The following ATRNL1 variants were observed in gnomAD, a reference collection of about 807,000 sequenced individuals.
ATRNL1 encodes attractin-like protein 1.
In ATRNL1, 95 loss-of-function variants were observed where a neutral mutation model predicts 182.7. The observed-to-expected ratio is 0.52, with a 90% CI of 0.44 to 0.62. ATRNL1 has a LOEUF of 0.62. Among genes scored for constraint, ATRNL1 ranks in the 20% least tolerant of loss-of-function variants. The pLI, the probability that ATRNL1 is intolerant of heterozygous loss-of-function variation, is 0.00. For synonymous variants in ATRNL1, 576 were observed against 568.3 expected (o/e 1.01, Z -0.19); for missense variants, 1,471 against 1,679.5 (o/e 0.88, Z 2.17).
At chr10:115,548,736 C>A (rs1458911465) in intron 25 of ATRNL1, among the ~76,000 whole-genome samples, 1 of 152,130 alleles carries the variant, frequency 6.6e-6, no homozygotes, top group East Asian at 1.9e-4. Context: ...TTGTAACTGA[C>A]TTATTTCTTA....
Position 115,266,836 on chromosome 10 carries a change from T to C in ATRNL1, c.1812T>C (p.Leu604=). Residue 604 remains leucine (L), a synonymous_variant, in exon 12 of 29, where the codon CTT becomes CTC. Coordinates refer to ENST00000355044, the MANE Select transcript of ATRNL1 (RefSeq NM_207303.4). ...TTGGGGGATTTTCTAGTGTACTCCT[T>C]AATGATATCCTTGTATACAAGCCTC... ...YIFGGFSSVL[L]NDILVYKPPN... 1 of 1,611,770 alleles carries C rather than the reference T, an allele frequency of 6.2e-7. No individual in the cohort carries two copies. Among genetic ancestry groups the C allele is most frequent in the Non-Finnish European group, 8.5e-7 (1 of 1,178,382 alleles).
chr10:115,642,103 C>T (rs568178451), intron 26 of ATRNL1, among the ~76,000 whole-genome samples: 10 of 152,076 alleles, frequency 6.6e-5, no homozygotes, highest in South Asian at 4.1e-4. Context: ...TAAATTACAT[C>T]GTACAGCATA....
Position 115,174,335 on chromosome 10 carries a change from T to G in ATRNL1, c.1348+3043T>G, listed in dbSNP as rs376374023. Among the ~76,000 whole-genome samples the G allele has an allele frequency of 7.8e-4, 118 of 151,978 alleles. 2 individuals are homozygous for G. The South Asian group carries it at 0.024, about 31-fold the overall frequency. On this transcript the variant is annotated intron_variant, in intron 8 of 28. Coordinates refer to ENST00000355044, the MANE Select transcript of ATRNL1 (RefSeq NM_207303.4). Reference sequence around the variant, plus strand: ...ATGGGGGAGATTCAGAACTAAACTGTTACCACATTTGTCCTTGAAACACAG... The same window carrying G: ...ATGGGGGAGATTCAGAACTAAACTGGTACCACATTTGTCCTTGAAACACAG...
intron 26 of ATRNL1, among the ~76,000 whole-genome samples, chr10:115,568,517 C>T (rs561325370): frequency 2.6e-5 from 4 of 151,922 alleles, no homozygotes; most frequent in African/African-American, 9.6e-5. Flanking sequence ...TCTACATGAA[C>T]TGGATATTAT....
At chr10:115,677,473 C>G (rs995022496) in intron 26 of ATRNL1, among the ~76,000 whole-genome samples, 15 of 152,030 alleles carry the variant, frequency 9.9e-5, no homozygotes, top group Admixed American at 9.8e-4. Flanking sequence ...TGGGAGGGAC[C>G]CAGGGGGAGG....
chr10:115,617,324 C>A (rs1857487064), intron 26 of ATRNL1, among the ~76,000 whole-genome samples: 1 of 152,002 alleles, frequency 6.6e-6, no homozygotes, highest in Non-Finnish European at 1.5e-5. Flanking sequence ...TGCCTATAAC[C>A]CCTTTGTGTC....
intron 28 of ATRNL1, among the ~76,000 whole-genome samples, chr10:115,854,780 T>A (rs1388075747): frequency 6.6e-6 from 1 of 152,186 alleles, no homozygotes; most frequent in Admixed American, 6.5e-5. Context: ...CCCTTTTACA[T>A]CTCAGTAATC....
chr10:115,927,530 T>C (rs1368731548), intron 28 of ATRNL1, among the ~76,000 whole-genome samples: 2 of 152,112 alleles, frequency 1.3e-5, no homozygotes, highest in African/African-American at 4.8e-5. Flanking sequence ...GGAAGTCCTT[T>C]CCAAACACCA....
intron 19 of ATRNL1, among the ~76,000 whole-genome samples, chr10:115,379,547 A>T (rs615905): frequency 2.6e-5 from 4 of 152,056 alleles, no homozygotes; most frequent in Non-Finnish European, 5.9e-5. Context: ...ATATTAATAT[A>T]CATCGTTTTA....
At chr10:115,779,500 C>T (rs527399921) in intron 27 of ATRNL1, among the ~76,000 whole-genome samples, 114 of 152,294 alleles carry the variant, frequency 7.5e-4, no homozygotes, top group Non-Finnish European at 1.2e-4. Context: ...CCAAACAATA[C>T]TCAATGTGCA....
At chr10:115,780,522 T>C (rs1484537460) in intron 27 of ATRNL1, among the ~76,000 whole-genome samples, 1 of 152,072 alleles carries the variant, frequency 6.6e-6, no homozygotes, top group Admixed American at 6.5e-5. Flanking sequence ...AACCCCAGGC[T>C]GAAGAGCTCA....
At chr10:115,275,045 C>T (rs1417796323) in intron 13 of ATRNL1, among the ~76,000 whole-genome samples, 1 of 152,190 alleles carries the variant, frequency 6.6e-6, no homozygotes, top group Non-Finnish European at 1.5e-5. Context: ...TTTGCAATCC[C>T]TCCAGGAATG....
At chr10:115,847,467 A>G (rs1950955958) in intron 27 of ATRNL1, among the ~76,000 whole-genome samples, 1 of 152,016 alleles carries the variant, frequency 6.6e-6, no homozygotes, top group African/African-American at 2.4e-5. Flanking sequence ...GTATCTGTGT[A>G]TGTATATGTA....
At chr10:115,350,346 G>GAAAAAAAAAAAAAAAA (rs71010016) in intron 19 of ATRNL1, among the ~76,000 whole-genome samples, 1 of 66,404 alleles carries the variant, frequency 1.5e-5, no homozygotes, top group Non-Finnish European at 2.6e-5. Flanking sequence ...AAAAAAAAAA[G>GAAAAAAAAAAAAAAAA]AAAAAAAAAA....
chr10:115,118,185 G>T (rs1445930192), intron 1 of ATRNL1, among the ~76,000 whole-genome samples: 5 of 151,890 alleles, frequency 3.3e-5, no homozygotes, highest in Non-Finnish European at 7.4e-5. Context: ...CCTTTGCTGT[G>T]CAGAAGTTTT....
chr10:115,136,358 C>T (rs1845514888), intron 5 of ATRNL1, among the ~76,000 whole-genome samples: 1 of 152,160 alleles, frequency 6.6e-6, no homozygotes, highest in African/African-American at 2.4e-5. Flanking sequence ...TTACCTCCTG[C>T]CCCAATGCAT....
At chr10:115,409,390 C>T (rs1397350032) in intron 20 of ATRNL1, among the ~76,000 whole-genome samples, 2 of 152,058 alleles carry the variant, frequency 1.3e-5, no homozygotes, top group African/African-American at 4.8e-5. Context: ...TGAAATGCTA[C>T]TGATTTTTTA....
chr10:115,447,687 C>T (rs1474048154), intron 21 of ATRNL1, among the ~76,000 whole-genome samples: 2 of 151,812 alleles, frequency 1.3e-5, no homozygotes, highest in African/African-American at 4.8e-5. Context: ...TTTTGATGCA[C>T]ATCTAAGTTG....
chr10:115,614,628 G>T (rs1490102775), intron 26 of ATRNL1, among the ~76,000 whole-genome samples: 1 of 152,040 alleles, frequency 6.6e-6, no homozygotes, highest in African/African-American at 2.4e-5. Context: ...GAGTGTTCAA[G>T]TACCCAACTG....
Sources: allele counts gnomAD v4.1 joint callset (sites outside exome capture counted in the v4.1 genomes callset), GRCh38; gene constraint gnomAD v4.1.1; transcripts MANE v1.5; gene names NCBI Gene and HGNC (gene_info 2026-07-23, HGNC 2026-07-21).